Variants in JARID2 observed in about 807,000 individuals in gnomAD.
JARID2 encodes protein Jumonji.
Under a neutral mutation model 125.6 loss-of-function variants are expected in JARID2, and 21 were observed. The ratio of observed to expected loss-of-function variants is 0.17; its 90% CI spans 0.12 to 0.24. The LOEUF (loss-of-function observed/expected upper bound fraction) is 0.24, where lower values mean the gene tolerates loss of function less well. Among genes scored for constraint, JARID2 ranks in the 10% least tolerant of loss-of-function variants. JARID2 has a pLI of 1.00. For missense variants in JARID2, 1,303 were observed against 1,639.6 expected (o/e 0.79, Z 3.55); for synonymous variants, 736 against 661.6 (o/e 1.11, Z -1.73).
chr6:15,251,353 A>G (rs1019257732), intron 1 of JARID2, among the ~76,000 whole-genome samples: 2 of 152,178 alleles, frequency 1.3e-5, no homozygotes, highest in Non-Finnish European at 2.9e-5. Flanking sequence ...GCCCTTGCTC[A>G]TGATGGTGTG....
intron 1 of JARID2, among the ~76,000 whole-genome samples, chr6:15,320,173 A>G (rs976151262): frequency 6.6e-6 from 1 of 152,226 alleles, no homozygotes; most frequent in Non-Finnish European, 1.5e-5. Flanking sequence ...ACTGACTAGA[A>G]GAGACTGTGG....
At position 15,413,013 on chromosome 6, in the gene JARID2, TTTTTTTTTTG is replaced by T. The variant is rs1425634057; in HGVS notation, c.323+2658_323+2667del. ...TGGGAAGAGCTTGTGTTTTTGTTTT[TTTTTTTTTTG>T]TTTTTTTTTTTTTGAGACTGAGTTT... On this transcript the variant is annotated intron_variant, in intron 3 of 17. Coordinates refer to ENST00000341776, the MANE Select transcript of JARID2 (RefSeq NM_004973.4). 7.1e-4 allele frequency among the ~76,000 whole-genome samples: 65 copies of T among 91,144 alleles called. 3 individuals carry two copies. Among genetic ancestry groups the T allele is most frequent in the South Asian group, 1.5e-3 (4 of 2,692 alleles). The allele number at this position is 91,144 out of a possible 152,430, so 59.8% of individuals were successfully genotyped here.
chr6:15,397,276 G>A (rs973234719), intron 2 of JARID2, among the ~76,000 whole-genome samples: 3 of 151,988 alleles, frequency 2.0e-5, no homozygotes, highest in African/African-American at 7.3e-5. Flanking sequence ...TCAATACTAC[G>A]TAATTTCATC....
chr6:15,390,559 G>T (rs1321844557), intron 2 of JARID2, among the ~76,000 whole-genome samples: 4 of 152,164 alleles, frequency 2.6e-5, no homozygotes, highest in Non-Finnish European at 5.9e-5. Context: ...CGATTTCTTA[G>T]CCCCTCTGTG....
At chr6:15,338,970 A>G (rs1415502784) in intron 1 of JARID2, among the ~76,000 whole-genome samples, 1 of 152,188 alleles carries the variant, frequency 6.6e-6, no homozygotes. Flanking sequence ...TAAGACCTTG[A>G]CGAACACTGA....
rs1581669737 is a variant in JARID2, at chr6:15,513,222, T to G, written c.3267-17T>G. ...AGGCCGTCACTAAAGGTGCGGGCCGTCTCCCGTGTCTGGCAGGGATACAGA... is the reference window on the plus strand; with the variant it reads ...AGGCCGTCACTAAAGGTGCGGGCCGGCTCCCGTGTCTGGCAGGGATACAGA... On this transcript the variant is annotated splice_polypyrimidine_tract_variant and intron_variant, in intron 15 of 17. Transcript: ENST00000341776. 2.6e-6 allele frequency: 4 copies of G among 1,553,052 alleles called. No homozygotes were observed. The highest frequency in any genetic ancestry group is 3.5e-6 in the Non-Finnish European group (4 of 1,146,452).
intron 4 of JARID2, among the ~76,000 whole-genome samples, chr6:15,455,496 C>T (rs1768121584): frequency 6.6e-6 from 1 of 152,038 alleles, no homozygotes; most frequent in Non-Finnish European, 1.5e-5. Flanking sequence ...AATTTGGTAT[C>T]CTTTTCTAAA....
At chr6:15,470,688 A>G (rs150774241) in intron 5 of JARID2, among the ~76,000 whole-genome samples, 136 of 146,568 alleles carry the variant, frequency 9.3e-4, no homozygotes, top group African/African-American at 3.3e-3. Context: ...ACCTTTCGGG[A>G]AAAGGTTGTT....
chr6:15,476,915 T>C (rs1198563010), intron 5 of JARID2, among the ~76,000 whole-genome samples: 1 of 152,216 alleles, frequency 6.6e-6, no homozygotes, highest in Non-Finnish European at 1.5e-5. Context: ...ACTAGAGGAA[T>C]TAATAAATGC....
At chr6:15,392,063 TGTGTGTGTGTGTGTGC>T (rs1326573570) in intron 2 of JARID2, among the ~76,000 whole-genome samples, 137 of 106,502 alleles carry the variant, frequency 1.3e-3, no homozygotes, top group Middle Eastern at 4.5e-3. Flanking sequence ...TGTGTGTGTG[TGTGTGTGTGTGTGTGC>T]GTGTCTGGAG....
intron 5 of JARID2, among the ~76,000 whole-genome samples, chr6:15,486,806 C>CTATTTTTTTTTTTT: frequency 9.9e-6 from 1 of 100,512 alleles, no homozygotes; most frequent in Non-Finnish European, 1.8e-5. Flanking sequence ...TGAGAATAGA[C>CTATTTTTTTTTTTT]TTTTTTTTTT....
At chr6:15,347,156 T>A (rs1039392202) in intron 1 of JARID2, among the ~76,000 whole-genome samples, 2 of 152,230 alleles carry the variant, frequency 1.3e-5, no homozygotes, top group African/African-American at 4.8e-5. Flanking sequence ...TAACTAAATA[T>A]TCAGCAGCTA....
intron 3 of JARID2, among the ~76,000 whole-genome samples, chr6:15,431,099 T>C (rs1766948200): frequency 6.6e-6 from 1 of 152,196 alleles, no homozygotes; most frequent in Non-Finnish European, 1.5e-5. Context: ...TTGTAGTTTT[T>C]CCCCTTTGTA....
chr6:15,350,587 C>T (rs938122777), intron 1 of JARID2, among the ~76,000 whole-genome samples: 1 of 152,136 alleles, frequency 6.6e-6, no homozygotes, highest in Non-Finnish European at 1.5e-5. Flanking sequence ...TTCTCATAGC[C>T]TGAGTATGAG....
At chr6:15,489,976 A>G (rs1770070321) in intron 6 of JARID2, among the ~76,000 whole-genome samples, 1 of 152,140 alleles carries the variant, frequency 6.6e-6, no homozygotes, top group South Asian at 2.1e-4. Context: ...CTTCAATGAG[A>G]CTTGAGATGT....
intron 1 of JARID2, among the ~76,000 whole-genome samples, chr6:15,351,551 TG>T (rs1214097144): frequency 6.6e-6 from 1 of 152,086 alleles, no homozygotes; most frequent in Non-Finnish European, 1.5e-5. Flanking sequence ...GGGTGGCAAA[TG>T]TTGGTGCATG....
intron 5 of JARID2, among the ~76,000 whole-genome samples, chr6:15,471,335 C>G (rs190283015): frequency 7.2e-5 from 11 of 152,248 alleles, no homozygotes; most frequent in African/African-American, 2.4e-4. Flanking sequence ...AAGGAAACCT[C>G]TGGAGAACTT....
intron 1 of JARID2, among the ~76,000 whole-genome samples, chr6:15,373,438 T>C (rs1764242316): frequency 6.6e-6 from 1 of 152,226 alleles, no homozygotes; most frequent in Non-Finnish European, 1.5e-5. Flanking sequence ...GCAACAGACA[T>C]GAGGTTGCCA....
Position 15,520,189 on chromosome 6 carries a change from G to A in JARID2, c.3679G>A (p.Asp1227Asn). 2 of 1,613,776 alleles carry A rather than the reference G, an allele frequency of 1.2e-6. No homozygotes were observed. The highest frequency in any genetic ancestry group is 4.5e-5 in the East Asian group (2 of 44,824). Residue 1227 changes from aspartate to asparagine, a missense_variant, in exon 18 of 18, where the codon GAC becomes AAC. By Grantham distance (23) the Asp-to-Asn change is conservative. Around this residue, in one of 11 missense-constraint regions of JARID2, gnomAD observed 75 missense variants for 66.0 expected, o/e 1.14. Coordinates refer to ENST00000341776, the MANE Select transcript of JARID2 (RefSeq NM_004973.4). ...KRGPRKRATV[D>N]VPPSRLSASS... ...AGGTCCCCGCAAGAGAGCGACAGTG[G>A]ACGTGCCCCCCTCCCGTCTGTCAGC...
Sources: allele counts gnomAD v4.1 joint callset (sites outside exome capture counted in the v4.1 genomes callset), GRCh38; gene constraint gnomAD v4.1.1; regional missense constraint gnomAD v4.1.1; transcripts MANE v1.5; gene names NCBI Gene and HGNC (gene_info 2026-07-23, HGNC 2026-07-21).